Variants in SLC1A1 observed in about 807,000 individuals in gnomAD.
The protein encoded by SLC1A1 is excitatory amino acid transporter 3.
SLC1A1 carries 43 observed loss-of-function variants against 53.3 expected under a neutral mutation model. The ratio of observed to expected loss-of-function variants is 0.81; its 90% CI spans 0.63 to 1.04. The LOEUF (loss-of-function observed/expected upper bound fraction) is 1.04. Ranked by LOEUF, SLC1A1 falls within the 50% of genes least tolerant of loss-of-function variation. The pLI is 0.00. For missense variants in SLC1A1, 748 were observed against 664.9 expected (o/e 1.12, Z -1.37); for synonymous variants, 307 against 243.2 (o/e 1.26, Z -2.44).
rs371148304 is a variant in SLC1A1 at position 4,513,522 on chromosome 9, T to C, written c.91+22752T>C. 3.9e-4 allele frequency among the ~76,000 whole-genome samples: 60 copies of C among 152,248 alleles called. No homozygotes were observed. In the East Asian group the frequency reaches 8.3e-3, roughly 21 times the overall value. Reference sequence around the variant, plus strand: ...CAATAAGATGCCAGTAAATACCTATTAGAGTGGCTAAAAAAAAATACAACA... The same window carrying C: ...CAATAAGATGCCAGTAAATACCTATCAGAGTGGCTAAAAAAAAATACAACA... On this transcript the variant is annotated intron_variant, in intron 1 of 11. Coordinates refer to ENST00000262352, the MANE Select transcript of SLC1A1 (RefSeq NM_004170.6).
At chr9:4,513,047 C>G (rs1455528644) in intron 1 of SLC1A1, among the ~76,000 whole-genome samples, 2 of 151,988 alleles carry the variant, frequency 1.3e-5, no homozygotes, top group African/African-American at 4.8e-5. Context: ...GAACCTCAAC[C>G]TAAAATCACA....
chr9:4,493,616 T>G (rs1056865944), intron 1 of SLC1A1, among the ~76,000 whole-genome samples: 1 of 152,196 alleles, frequency 6.6e-6, no homozygotes, highest in East Asian at 1.9e-4. Flanking sequence ...AAATGTTTGG[T>G]CCCTGACCAG....
intron 1 of SLC1A1, among the ~76,000 whole-genome samples, chr9:4,504,662 A>G (rs1320002858): frequency 6.6e-6 from 1 of 152,248 alleles, no homozygotes; most frequent in South Asian, 2.1e-4. Context: ...TCTTGTTGTC[A>G]TAAAACAGCA....
At chr9:4,512,913 A>T (rs1203357690) in intron 1 of SLC1A1, among the ~76,000 whole-genome samples, 4 of 152,158 alleles carry the variant, frequency 2.6e-5, no homozygotes, top group African/African-American at 4.8e-5. Flanking sequence ...TGCAGGTGTG[A>T]GCCACTGTAC....
chr9:4,495,379 C>T (rs1443738514), intron 1 of SLC1A1, among the ~76,000 whole-genome samples: 2 of 152,168 alleles, frequency 1.3e-5, no homozygotes, highest in African/African-American at 4.8e-5. Context: ...AGCATGTCCT[C>T]ATGGGACTTA....
At chr9:4,511,982 T>G (rs1821014164) in intron 1 of SLC1A1, among the ~76,000 whole-genome samples, 1 of 152,074 alleles carries the variant, frequency 6.6e-6, no homozygotes, top group Non-Finnish European at 1.5e-5. Context: ...CTCCAAAAGG[T>G]AAGGATTAGG....
At chr9:4,530,003 T>G (rs1380232769) in intron 1 of SLC1A1, among the ~76,000 whole-genome samples, 2 of 152,154 alleles carry the variant, frequency 1.3e-5, no homozygotes, top group Admixed American at 1.3e-4. Flanking sequence ...TCTTATTTAT[T>G]TAGACCAAAT....
chr9:4,507,906 C>G lies in SLC1A1; in HGVS notation c.91+17136C>G, dbSNP rs77160301. Among the ~76,000 whole-genome samples, 14 of 152,122 alleles carry G rather than the reference C, an allele frequency of 9.2e-5. No homozygotes were observed. In the East Asian group the frequency reaches 2.7e-3, roughly 29 times the overall value. The stretch of plus-strand genomic sequence containing the variant: ...GGCTTCCTAAGATTGTGTAGTGAAC[C>G]AAGAAGGTGTTTACAGGCATGTGAA... On this transcript the variant is annotated intron_variant, in intron 1 of 11. Coordinates refer to ENST00000262352, the MANE Select transcript of SLC1A1 (RefSeq NM_004170.6).
At chr9:4,558,467 A>C (rs1258467258) in intron 2 of SLC1A1, among the ~76,000 whole-genome samples, 1 of 152,196 alleles carries the variant, frequency 6.6e-6, no homozygotes, top group Non-Finnish European at 1.5e-5. Flanking sequence ...ACCCGTGCTG[A>C]AAGTTACTAC....
intron 1 of SLC1A1, among the ~76,000 whole-genome samples, chr9:4,543,685 A>G (rs1215852995): frequency 6.6e-6 from 1 of 152,254 alleles, no homozygotes; most frequent in East Asian, 1.9e-4. Context: ...ACCTGAATAT[A>G]TCATTATCTA....
Position 4,549,683 on chromosome 9 carries a change from C to T in SLC1A1, c.232+4976C>T, listed in dbSNP as rs908407661. On this transcript the variant is annotated intron_variant, in intron 2 of 11. Transcript: ENST00000262352. The surrounding 1 kb of genome is among the most constrained non-coding windows in gnomAD (Gnocchi z 4.1). ...GAGTGACCTCTTCCTGGGATGCTTG[C>T]CATTGTGGAATATCCACTTCAGAGA... 3.3e-5 allele frequency among the ~76,000 whole-genome samples: 5 copies of T among 152,192 alleles called. No individual in the cohort carries two copies. Among genetic ancestry groups the T allele is most frequent in the African/African-American group, 1.2e-4 (5 of 41,442 alleles).
intron 1 of SLC1A1, among the ~76,000 whole-genome samples, chr9:4,533,029 C>G (rs1201037564): frequency 6.6e-6 from 1 of 152,088 alleles, no homozygotes; most frequent in Non-Finnish European, 1.5e-5. Flanking sequence ...ATTTTGTCAC[C>G]ACTAGGCCTG....
intron 1 of SLC1A1, among the ~76,000 whole-genome samples, chr9:4,504,224 G>T (rs1471754594): frequency 6.6e-6 from 1 of 152,126 alleles, no homozygotes; most frequent in Non-Finnish European, 1.5e-5. Flanking sequence ...CTACAGCTTG[G>T]CACTGAATCA....
chr9:4,526,646 A>C (rs1816270531), intron 1 of SLC1A1, among the ~76,000 whole-genome samples: 1 of 152,186 alleles, frequency 6.6e-6, no homozygotes, highest in Non-Finnish European at 1.5e-5. Context: ...TTTTCATTGA[A>C]ACATTTCAGA....
intron 1 of SLC1A1, among the ~76,000 whole-genome samples, chr9:4,527,840 T>C (rs1296990092): frequency 6.6e-6 from 1 of 152,058 alleles, no homozygotes; most frequent in African/African-American, 2.4e-5. Flanking sequence ...GTAAGTCTTC[T>C]GAAAAGAAGT....
At chr9:4,533,456 A>G (rs971545735) in intron 1 of SLC1A1, among the ~76,000 whole-genome samples, 4 of 152,190 alleles carry the variant, frequency 2.6e-5, no homozygotes, top group African/African-American at 7.2e-5. Flanking sequence ...AAAGATCAAA[A>G]GAGACAAAGA....
intron 2 of SLC1A1, among the ~76,000 whole-genome samples, chr9:4,548,724 A>T (rs1817686290): frequency 6.6e-6 from 1 of 152,180 alleles, no homozygotes; most frequent in African/African-American, 2.4e-5. Context: ...GTATAAGAAA[A>T]TGTCCTTACT....
chr9:4,585,904 TG>T lies in SLC1A1; in HGVS notation c.*349del. 9.2e-6 allele frequency: 2 copies of T among 217,982 alleles called. No homozygotes were observed. The highest frequency in any genetic ancestry group is 1.1e-4 in the East Asian group (1 of 8,762). The allele number at this position is 217,982 out of a possible 1,614,324, so 13.5% of individuals were successfully genotyped here. A position where few individuals can be genotyped will look rare whatever the true frequency, so the allele number is the denominator to read the frequency against. On this transcript the variant is annotated 3_prime_UTR_variant, in exon 12 of 12. Coordinates refer to ENST00000262352, the MANE Select transcript of SLC1A1 (RefSeq NM_004170.6). ...CTTTCTCATGCATAGACAAGTGTTTTGGGTTTTTAAAAAAAATATTCTGTCA... is the reference window on the plus strand; with the variant it reads ...CTTTCTCATGCATAGACAAGTGTTTTGGTTTTTAAAAAAAATATTCTGTCA...
At position 4,493,497 on chromosome 9, in the gene SLC1A1, A is replaced by T. The variant is rs954375825; in HGVS notation, c.91+2727A>T. Among the ~76,000 whole-genome samples the T allele has an allele frequency of 3.4e-4, 52 of 152,222 alleles. 1 individual carries two copies. The highest frequency in any genetic ancestry group is 1.3e-3 in the African/African-American group (52 of 41,458). On this transcript the variant is annotated intron_variant, in intron 1 of 11. Transcript: ENST00000262352. ...ATCCAGAAAAATCGCAAGAGCTCTA[A>T]TGCAGCCTCCCTTTTGGACTTTTCA... is the stretch of plus-strand genomic sequence containing the variant.
Sources: gnomAD v4.1 joint callset for allele counts (sites outside exome capture counted in the v4.1 genomes callset) on GRCh38, gnomAD v4.1.1 for gene constraint, Gnocchi (gnomAD v3.1) non-coding constraint, MANE v1.5 for transcripts, NCBI Gene and HGNC (gene_info 2026-07-23, HGNC 2026-07-21) for gene names.